Variants in FBXL7 observed in about 807,000 individuals in gnomAD.
FBXL7 encodes the protein F-box/LRR-repeat protein 7.
A neutral mutation model predicts 38.3 loss-of-function variants in FBXL7; 12 were observed. That is an observed-to-expected ratio of 0.31 (90% confidence interval 0.20 to 0.51). FBXL7 has a LOEUF of 0.51. FBXL7 is among the 20% of genes least tolerant of loss of function. FBXL7 has a pLI of 0.98. For synonymous variants in FBXL7, 297 were observed against 300.9 expected, an observed-to-expected ratio of 0.99 and a Z score of 0.13; for missense variants, 567 against 676.4, an observed-to-expected ratio of 0.84 and a Z score of 1.79.
chr5:15,637,391 G>T (rs1741221532), intron 2 of FBXL7, among the ~76,000 whole-genome samples: 1 of 152,162 alleles, frequency 6.6e-6, no homozygotes, highest in Non-Finnish European at 1.5e-5. Context: ...GAATGAAAAA[G>T]CAGAAAACCA....
intron 2 of FBXL7, among the ~76,000 whole-genome samples, chr5:15,779,209 G>A (rs1366562738): frequency 6.6e-6 from 1 of 151,908 alleles, no homozygotes; most frequent in Admixed American, 6.6e-5. Context: ...TGAGGAAGGA[G>A]GGATGAAGGT....
At position 15,729,372 on chromosome 5, in the gene FBXL7, A is replaced by G. The variant is rs182032436; in HGVS notation, c.127+113300A>G. 3.9e-5 allele frequency among the ~76,000 whole-genome samples: 6 copies of G among 152,184 alleles called. No homozygotes were observed. In the East Asian group the frequency reaches 1.2e-3, roughly 29 times the overall value. On this transcript the variant is annotated intron_variant, in intron 2 of 3. Transcript: ENST00000504595. ...GTGGCTGACTTCTAATAGTCTTTTG[A>G]TATTTCTATTTCCCAGAGGCCTATC...
chr5:15,675,819 G>C (rs563412925), intron 2 of FBXL7, among the ~76,000 whole-genome samples: 22 of 152,086 alleles, frequency 1.4e-4, no homozygotes, highest in African/African-American at 4.6e-4. Context: ...GATTTCTTTC[G>C]ACACCGAAGA....
intron 2 of FBXL7, among the ~76,000 whole-genome samples, chr5:15,889,355 G>A (rs943725847): frequency 5.3e-5 from 8 of 152,152 alleles, no homozygotes; most frequent in Non-Finnish European, 1.0e-4. Context: ...CGGAGTGCTC[G>A]AACATGACTT....
chr5:15,795,980 A>C (rs1737406423), intron 2 of FBXL7, among the ~76,000 whole-genome samples: 1 of 152,198 alleles, frequency 6.6e-6, no homozygotes. Context: ...AATAACCCAT[A>C]ATCTATTTTG....
intron 2 of FBXL7, among the ~76,000 whole-genome samples, chr5:15,665,226 C>A (rs959742393): frequency 6.6e-6 from 1 of 152,130 alleles, no homozygotes; most frequent in African/African-American, 2.4e-5. Context: ...TCCATACCCC[C>A]CAATTTTTAC....
At chr5:15,731,886 A>G (rs1024653411) in intron 2 of FBXL7, among the ~76,000 whole-genome samples, 10 of 152,148 alleles carry the variant, frequency 6.6e-5, no homozygotes, top group African/African-American at 1.9e-4. Flanking sequence ...CTTGGACTAC[A>G]TGGATCCTGA....
intron 2 of FBXL7, among the ~76,000 whole-genome samples, chr5:15,741,870 T>G (rs1004942119): frequency 6.6e-6 from 1 of 151,986 alleles, no homozygotes; most frequent in African/African-American, 2.4e-5. Context: ...TCAGATCACA[T>G]GAATGCACAG....
At chr5:15,536,355 A>G (rs962260007) in intron 1 of FBXL7, among the ~76,000 whole-genome samples, 1 of 152,218 alleles carries the variant, frequency 6.6e-6, no homozygotes, top group Non-Finnish European at 1.5e-5. Flanking sequence ...AACAGCTTGC[A>G]CTGTGCACTT....
chr5:15,786,876 T>C (rs1251412135), intron 2 of FBXL7, among the ~76,000 whole-genome samples: 1 of 152,156 alleles, frequency 6.6e-6, no homozygotes, highest in South Asian at 2.1e-4. Context: ...AAAGATTATT[T>C]ACAGATGAAA....
intron 1 of FBXL7, among the ~76,000 whole-genome samples, chr5:15,589,246 T>C (rs2126478080): frequency 6.6e-6 from 1 of 152,276 alleles, no homozygotes; most frequent in South Asian, 2.1e-4. Context: ...TTTGGATTTC[T>C]GTCCCCGCCC....
At chr5:15,518,974 C>G (rs894748706) in intron 1 of FBXL7, among the ~76,000 whole-genome samples, 1 of 152,010 alleles carries the variant, frequency 6.6e-6, no homozygotes, top group Non-Finnish European at 1.5e-5. Context: ...ACTTGCAGTC[C>G]GGTGAGGAGG....
intron 2 of FBXL7, among the ~76,000 whole-genome samples, chr5:15,706,903 G>A (rs1179002535): frequency 1.3e-5 from 2 of 151,978 alleles, no homozygotes; most frequent in African/African-American, 4.8e-5. Flanking sequence ...AGTTCCCCAG[G>A]TAAGACTGGG....
rs531130064 is a variant in FBXL7, at chr5:15,648,988, TTTTG to T, written c.127+32934_127+32937del. ...TTTCCTGATCTACTTATTTTCTGTT[TTTTG>T]TTTGTTTGTTTGTTTGTGTTTTGAG... On this transcript the variant is annotated intron_variant, in intron 2 of 3. Coordinates refer to ENST00000504595, the MANE Select transcript of FBXL7 (RefSeq NM_012304.5). Among the ~76,000 whole-genome samples the T allele has an allele frequency of 5.3e-5, 8 of 152,008 alleles. No homozygotes were observed. In the South Asian group the frequency reaches 6.2e-4, roughly 12 times the overall value.
intron 2 of FBXL7, among the ~76,000 whole-genome samples, chr5:15,776,509 T>A (rs1736861407): frequency 6.6e-6 from 1 of 152,212 alleles, no homozygotes; most frequent in South Asian, 2.1e-4. Flanking sequence ...TTTGCCAGCT[T>A]CCCCTAGCAT....
At chr5:15,669,651 T>C (rs35839071) in intron 2 of FBXL7, among the ~76,000 whole-genome samples, 22,896 of 152,166 alleles carry the variant, frequency 0.15, 1,864 homozygotes, top group Non-Finnish European at 0.18. Flanking sequence ...TCCGTATTCT[T>C]CCTAACAGGT....
chr5:15,576,050 A>G (rs1580380466), intron 1 of FBXL7, among the ~76,000 whole-genome samples: 2 of 146,288 alleles, frequency 1.4e-5, no homozygotes, highest in African/African-American at 5.1e-5. Context: ...GTCAAAAGTA[A>G]TGGTTGCCAG....
chr5:15,857,880 GGTATATGT>G (rs1192923057), intron 2 of FBXL7, among the ~76,000 whole-genome samples: 7 of 151,606 alleles, frequency 4.6e-5, no homozygotes, highest in African/African-American at 1.5e-4. Context: ...TACAGCATCT[GGTATATGT>G]GTATATGTGT....
chr5:15,881,662 C>G (rs1740458104), intron 2 of FBXL7, among the ~76,000 whole-genome samples: 1 of 152,104 alleles, frequency 6.6e-6, no homozygotes, highest in Non-Finnish European at 1.5e-5. Context: ...AAAGTGTTCC[C>G]TTTTCTCTTA....
Sources: gnomAD v4.1 joint callset for allele counts (sites outside exome capture counted in the v4.1 genomes callset) on GRCh38, gnomAD v4.1.1 for gene constraint, MANE v1.5 for transcripts, NCBI Gene and HGNC (gene_info 2026-07-23, HGNC 2026-07-21) for gene names.